RNF121: variants seen among roughly 807,000 people sequenced by gnomAD.
The protein encoded by RNF121 is E3 ubiquitin ligase RNF121.
RNF121 carries 21 observed loss-of-function variants against 46.5 expected under a neutral mutation model. That is an observed-to-expected ratio of 0.45 (90% confidence interval 0.32 to 0.65). The LOEUF (loss-of-function observed/expected upper bound fraction) is 0.65. Among genes scored for constraint, RNF121 ranks in the 30% least tolerant of loss-of-function variants. The pLI, the probability that RNF121 is intolerant of heterozygous loss-of-function variation, is 0.04. For synonymous variants in RNF121, 139 were observed against 144.7 expected, an observed-to-expected ratio of 0.96 and a Z score of 0.28; for missense variants, 346 against 416.0, an observed-to-expected ratio of 0.83 and a Z score of 1.46.
intron 1 of RNF121, among the ~76,000 whole-genome samples, chr11:71,952,224 C>T (rs1953897801): frequency 6.6e-6 from 1 of 152,112 alleles, no homozygotes; most frequent in South Asian, 2.1e-4. Flanking sequence ...TCACAAAAGA[C>T]CATATATTTA....
chr11:71,996,472 T>C lies in RNF121; in HGVS notation c.*157T>C. On this transcript the variant is annotated 3_prime_UTR_variant, in exon 9 of 9. Transcript: ENST00000361756. ...TGTGTCGGACTGGGGAGGGATATGA[T>C]GGAGAGCCAGCCAGTGGGGCTGTCA... 2 of 789,068 alleles carry C rather than the reference T, an allele frequency of 2.5e-6. No homozygotes were observed. The highest frequency in any genetic ancestry group is 4.0e-5 in the South Asian group (2 of 50,376). The allele number at this position is 789,068 out of a possible 1,614,324, so 48.9% of individuals were successfully genotyped here. A position where few individuals can be genotyped will look rare whatever the true frequency, so the allele number is the denominator to read the frequency against.
intron 3 of RNF121, among the ~76,000 whole-genome samples, chr11:71,971,723 A>G (rs1397563832): frequency 6.6e-6 from 1 of 152,246 alleles, no homozygotes; most frequent in Non-Finnish European, 1.5e-5. Context: ...ACATAAAAAT[A>G]TGAGATATCA....
chr11:71,951,766 C>T (rs954063077), intron 1 of RNF121, among the ~76,000 whole-genome samples: 1 of 151,786 alleles, frequency 6.6e-6, no homozygotes, highest in African/African-American at 2.4e-5. Flanking sequence ...AATGGAAAAT[C>T]AAAACCACAT....
At chr11:71,958,115 T>G (rs1339282260) in intron 2 of RNF121, among the ~76,000 whole-genome samples, 2 of 152,148 alleles carry the variant, frequency 1.3e-5, no homozygotes, top group Admixed American at 1.3e-4. Flanking sequence ...CTGTCTGCTG[T>G]AAGAGAGGTG....
At chr11:71,977,192 GC>G (rs1954544296) in intron 3 of RNF121, among the ~76,000 whole-genome samples, 1 of 152,158 alleles carries the variant, frequency 6.6e-6, no homozygotes, top group South Asian at 2.1e-4. Context: ...TTGCTTTTCA[GC>G]CAGGTATGGT....
intron 1 of RNF121, among the ~76,000 whole-genome samples, chr11:71,935,621 ATGC>A (rs1953386063): frequency 6.6e-6 from 1 of 152,148 alleles, no homozygotes; most frequent in Non-Finnish European, 1.5e-5. Context: ...GACTCAATAA[ATGC>A]TTAAATATGT....
chr11:71,996,205 C>A lies in RNF121; in HGVS notation c.874C>A (p.Pro292Thr). The change falls in exon 9 of 9, where the codon CCT becomes ACT. Residue 292 changes from proline (P) to threonine (T), a missense_variant. Transcript: ENST00000361756. ...KRMFSNPWER[P>T]HVMYGQLLDW... ...TTAACACACTGACAGCTGGGAGAGG[C>A]CTCACGTCATGTATGGGCAACTGCT... 6.2e-7 allele frequency: 1 copy of A among 1,614,134 alleles called. No individual in the cohort carries two copies. Among genetic ancestry groups the A allele is most frequent in the South Asian group, 1.1e-5 (1 of 91,086 alleles).
chr11:71,968,718 G>A (rs1342577168), intron 3 of RNF121, among the ~76,000 whole-genome samples: 1 of 152,018 alleles, frequency 6.6e-6, no homozygotes. Context: ...CTAGTCCCAC[G>A]CTGGGGCTGT....
At chr11:71,973,636 A>T (rs1349434885) in intron 3 of RNF121, among the ~76,000 whole-genome samples, 2 of 151,804 alleles carry the variant, frequency 1.3e-5, no homozygotes, top group East Asian at 3.9e-4. Context: ...ATAATACAAA[A>T]ATTAGCCGGA....
chr11:71,980,207 T>A (rs1437150861), intron 3 of RNF121, among the ~76,000 whole-genome samples: 1 of 152,168 alleles, frequency 6.6e-6, no homozygotes, highest in Non-Finnish European at 1.5e-5. Context: ...GAATTGTTAT[T>A]GAGGCTTCAA....
chr11:71,988,536 G>A (rs1011052368), intron 5 of RNF121, among the ~76,000 whole-genome samples: 10 of 151,886 alleles, frequency 6.6e-5, no homozygotes, highest in Non-Finnish European at 1.0e-4. Context: ...AGGTGTGGTG[G>A]CTCTCACTTG....
intron 1 of RNF121, among the ~76,000 whole-genome samples, chr11:71,950,014 A>AAC (rs57734644): frequency 0.031 from 4,734 of 150,620 alleles, 243 homozygotes; most frequent in African/African-American, 0.11. Flanking sequence ...AACAAAACAG[A>AAC]ACACACACAC....
chr11:71,994,005 T>C (rs1954920600), intron 6 of RNF121, among the ~76,000 whole-genome samples: 2 of 152,030 alleles, frequency 1.3e-5, no homozygotes, highest in African/African-American at 4.8e-5. Context: ...CATGCCTGGC[T>C]AATTTTTTGT....
At chr11:71,982,207 G>A (rs781635986) in intron 3 of RNF121, among the ~76,000 whole-genome samples, 8 of 151,944 alleles carry the variant, frequency 5.3e-5, no homozygotes, top group South Asian at 2.1e-4. Flanking sequence ...GTGGTGGCAC[G>A]CGCCTGTAAT....
At chr11:71,969,588 G>C (rs941412391) in intron 3 of RNF121, among the ~76,000 whole-genome samples, 4 of 151,988 alleles carry the variant, frequency 2.6e-5, no homozygotes, top group Non-Finnish European at 5.9e-5. Flanking sequence ...TTTGAGACAG[G>C]GTCTTTCTCT....
At position 71,994,703 on chromosome 11, in the gene RNF121, T is replaced by C. The variant is rs1954937275; in HGVS notation, c.628-16T>C. 3 of 1,613,962 alleles carry C rather than the reference T, an allele frequency of 1.9e-6. No homozygotes were observed. In the Admixed American group the frequency reaches 5.0e-5, roughly 27 times the overall value. The stretch of plus-strand genomic sequence containing the variant: ...CACATCTTTTCCTATCTTTCCTTCC[T>C]GCTATTCTCCTTCAGTTCTACAGCG... On this transcript the variant is annotated splice_polypyrimidine_tract_variant and intron_variant, in intron 6 of 8. Transcript: ENST00000361756.
chr11:71,985,954 C>A (rs576059751), intron 4 of RNF121, among the ~76,000 whole-genome samples: 7 of 152,094 alleles, frequency 4.6e-5, no homozygotes, highest in Non-Finnish European at 8.8e-5. Flanking sequence ...AAAAAAAGGC[C>A]CTGGTTCCTT....
chr11:71,936,837 G>A (rs1953426615), intron 1 of RNF121, among the ~76,000 whole-genome samples: 1 of 152,016 alleles, frequency 6.6e-6, no homozygotes, highest in South Asian at 2.1e-4. Flanking sequence ...CTTTAATGCA[G>A]GGACTATTTT....
At chr11:71,947,112 G>A (rs1208218814) in intron 1 of RNF121, among the ~76,000 whole-genome samples, 1 of 151,958 alleles carries the variant, frequency 6.6e-6, no homozygotes, top group East Asian at 1.9e-4. Flanking sequence ...TGACCCGCCT[G>A]CCTGGCCTCC....
Sources: allele counts gnomAD v4.1 joint callset (sites outside exome capture counted in the v4.1 genomes callset), GRCh38; gene constraint gnomAD v4.1.1; transcripts MANE v1.5; gene names NCBI Gene and HGNC (gene_info 2026-07-23, HGNC 2026-07-21).